The following HRG variants were observed in gnomAD, a reference collection of about 807,000 sequenced individuals.
The protein encoded by HRG is histidine-rich glycoprotein.
A neutral mutation model predicts 29.5 loss-of-function variants in HRG; 26 were observed. That is an observed-to-expected ratio of 0.88 (90% confidence interval 0.65 to 1.22). HRG has a LOEUF of 1.22. HRG is among the 50% of genes most tolerant of loss of function. The pLI is 0.00. For synonymous variants in HRG, 243 were observed against 240.4 expected (o/e 1.01, Z -0.10); for missense variants, 671 against 654.5 (o/e 1.03, Z -0.28).
intron 4 of HRG, among the ~76,000 whole-genome samples, chr3:186,672,181 G>A (rs1013000293): frequency 6.6e-6 from 1 of 152,190 alleles, no homozygotes; most frequent in East Asian, 1.9e-4. Context: ...ATAGTTAGAT[G>A]GTTCCCTGCT....
intron 6 of HRG, among the ~76,000 whole-genome samples, 179 bp downstream of exon 6, chr3:186,675,369 GAGAA>G (rs1226553072): frequency 2.0e-5 from 3 of 151,984 alleles, no homozygotes; most frequent in African/African-American, 7.3e-5. Flanking sequence ...CAGGGAGAGA[GAGAA>G]AGAGAGAGAC....
At chr3:186,671,873 C>T in intron 4 of HRG, 84 bp downstream of exon 4, 1 of 1,160,894 alleles carries the variant, frequency 8.6e-7, no homozygotes. Context: ...ACCCTCTCCA[C>T]CTGCCTCAAT....
chr3:186,666,260 G>A (rs1345110377), intron 1 of HRG, 46 bp downstream of exon 1: 1 of 1,592,888 alleles, frequency 6.3e-7, no homozygotes, highest in Non-Finnish European at 8.6e-7. Flanking sequence ...ATTACTCACG[G>A]GGGCAAATGT....
intron 3 of HRG, among the ~76,000 whole-genome samples, chr3:186,670,708 C>T (rs894234204): frequency 1.2e-4 from 19 of 152,088 alleles, no homozygotes; most frequent in African/African-American, 4.6e-4. Flanking sequence ...CCACCACATC[C>T]AACAAATTTT....
chr3:186,677,776 CCAGA>C lies in HRG; in HGVS notation c.1474_1477del (p.Asp492IlefsTer36). ...GCCGCACCACAAACATCCTCTAAAGCCAGACAATCAGCCCTTTCCTCAATCAGTC... is the reference window on the plus strand; with the variant it reads ...GCCGCACCACAAACATCCTCTAAAGCCAATCAGCCCTTTCCTCAATCAGTC... On this transcript the variant is annotated frameshift_variant, in exon 7 of 7. Coordinates refer to ENST00000232003, the MANE Select transcript of HRG (RefSeq NM_000412.5). LOFTEE classifies it low-confidence loss of function (END_TRUNC). 6.2e-7 allele frequency: 1 copy of C among 1,613,930 alleles called. No individual in the cohort carries two copies. Among genetic ancestry groups the C allele is most frequent in the Non-Finnish European group, 8.5e-7 (1 of 1,179,786 alleles).
At chr3:186,677,006 A>G in intron 6 of HRG, 41 bp from the exon 7 acceptor site, 1 of 1,612,798 alleles carries the variant, frequency 6.2e-7, no homozygotes, top group South Asian at 1.1e-5. Context: ...ATCTTCTTTT[A>G]TGTTACATGA....
chr3:186,677,571 T>C lies in HRG; in HGVS notation c.1266T>C (p.His422=). The change falls in exon 7 of 7, where the codon CAT becomes CAC. Residue 422 remains histidine, a synonymous_variant. Coordinates refer to ENST00000232003, the MANE Select transcript of HRG (RefSeq NM_000412.5). ...ATGGACCTTGTGACCCACCACCCCATAACCAAGGTCACTGTTGCCATGGCC... is the reference window on the plus strand; with the variant it reads ...ATGGACCTTGTGACCCACCACCCCACAACCAAGGTCACTGTTGCCATGGCC... ...QDYGPCDPPP[H]NQGHCCHGHG... is the part of the protein sequence containing the mutation. The C allele has an allele frequency of 1.2e-6, 2 of 1,613,952 alleles. No individual in the cohort carries two copies. The highest frequency in any genetic ancestry group is 1.7e-6 in the Non-Finnish European group (2 of 1,179,932).
intron 1 of HRG, among the ~76,000 whole-genome samples, chr3:186,667,933 A>G (rs73061473): frequency 0.015 from 2,244 of 152,252 alleles, 56 homozygotes; most frequent in African/African-American, 0.051. Flanking sequence ...AAGCTCCCCA[A>G]ATAACCTACT....
At chr3:186,671,480 C>A in intron 3 of HRG, 143 bp from the exon 4 acceptor site, 2 of 842,942 alleles carry the variant, frequency 2.4e-6, no homozygotes, top group Non-Finnish European at 4.1e-6. Context: ...TGCCAAATGG[C>A]TGATTGATCT....
intron 3 of HRG, 127 bp from the exon 4 acceptor site, chr3:186,671,496 C>G (rs1718789124): frequency 1.1e-6 from 1 of 928,008 alleles, no homozygotes; most frequent in East Asian, 2.4e-5. Context: ...GATCTTGAAG[C>G]AGTTACTCAG....
Position 186,677,817 on chromosome 3 carries a change from T to C in HRG, c.1512T>C (p.Cys504=). 1 of 1,614,172 alleles carries C rather than the reference T, an allele frequency of 6.2e-7. No individual in the cohort carries two copies. ...QPFPQSVSES[C]PGKFKSGFPQ... Reference sequence around the variant, plus strand: ...TTCCTCAATCAGTCTCTGAATCATGTCCAGGGAAGTTCAAGAGTGGGTTTC... The same window carrying C: ...TTCCTCAATCAGTCTCTGAATCATGCCCAGGGAAGTTCAAGAGTGGGTTTC... The change falls in exon 7 of 7, where the codon TGT becomes TGC. Residue 504 remains cysteine (C), a synonymous_variant. Coordinates refer to ENST00000232003, the MANE Select transcript of HRG (RefSeq NM_000412.5).
intron 1 of HRG, 102 bp from the exon 2 acceptor site, chr3:186,668,833 A>C: frequency 1.4e-5 from 10 of 720,456 alleles, no homozygotes; most frequent in Non-Finnish European, 2.5e-5. Context: ...AGTGAGAGGA[A>C]CAGGAATTCT....
chr3:186,675,157 C>T lies in HRG; in HGVS notation c.708C>T (p.Asn236=). ...VEALDLESPK[N]LVINCEVFDP... The stretch of plus-strand genomic sequence containing the variant: ...CCTTGGACTTGGAAAGCCCGAAAAA[C>T]CTTGTCATAAACTGTGAAGTCTTCG... The change falls in exon 6 of 7, where the codon AAC becomes AAT. Residue 236 remains asparagine, a synonymous_variant. Transcript: ENST00000232003. The T allele has an allele frequency of 1.2e-6, 2 of 1,613,796 alleles. No individual in the cohort carries two copies. Among genetic ancestry groups the T allele is most frequent in the African/African-American group, 2.7e-5 (2 of 75,032 alleles).
intron 1 of HRG, among the ~76,000 whole-genome samples, chr3:186,666,630 C>T (rs947952289): frequency 6.6e-6 from 1 of 151,958 alleles, no homozygotes; most frequent in Non-Finnish European, 1.5e-5. Flanking sequence ...AACTGGTAGA[C>T]AAGGCCAGGC....
intron 5 of HRG, chr3:186,673,125 T>C (rs927342149): frequency 2.3e-5 from 12 of 529,378 alleles, no homozygotes; most frequent in Non-Finnish European, 2.1e-5. Context: ...GTTTTTGAGA[T>C]GGAGTTTCGC....
At position 186,671,769 on chromosome 3, in the gene HRG, A is replaced by C; in HGVS notation, c.538A>C (p.Ile180Leu). 1 of 1,613,898 alleles carries C rather than the reference A, an allele frequency of 6.2e-7. No individual in the cohort carries two copies. Among genetic ancestry groups the C allele is most frequent in the Non-Finnish European group, 8.5e-7 (1 of 1,179,866 alleles). The change falls in exon 4 of 7, where the codon ATC (isoleucine) becomes CTC (leucine). Residue 180 changes from isoleucine to leucine, a missense_variant. Coordinates refer to ENST00000232003, the MANE Select transcript of HRG (RefSeq NM_000412.5). ...DDFASFRVDR[I>L]ERVARVRGGE... ...CTTTGCCTCTTTCAGAGTGGACCGA[A>C]TCGAGAGAGTTGCAAGAGTGGTGAG...
chr3:186,669,513 G>A (rs1342317077), intron 2 of HRG: 3 of 353,126 alleles, frequency 8.5e-6, no homozygotes, highest in African/African-American at 4.2e-5. Context: ...CAGCACCTAG[G>A]ATATACACTG....
At chr3:186,671,342 G>C (rs1718784497) in intron 3 of HRG, among the ~76,000 whole-genome samples, 1 of 149,402 alleles carries the variant, frequency 6.7e-6, no homozygotes, top group Non-Finnish European at 1.5e-5. Flanking sequence ...GAATGTCATA[G>C]TTGTCATATT....
In HRG at chr3:186,677,393, G is replaced by C. The variant is rs1560042648; in HGVS notation, c.1088G>C (p.Gly363Ala). The C allele has an allele frequency of 6.2e-7, 1 of 1,611,842 alleles. No homozygotes were observed. The highest frequency in any genetic ancestry group is 8.5e-7 in the Non-Finnish European group (1 of 1,179,090). The change falls in exon 7 of 7, where the codon GGA becomes GCA. Residue 363 changes from glycine (G) to alanine (A), a missense_variant. By Grantham distance (60) the Gly-to-Ala change is moderately conservative. Coordinates refer to ENST00000232003, the MANE Select transcript of HRG (RefSeq NM_000412.5). ...CATTCCCATGAACAGCATCCCCACG[G>C]ACACCATCCCCATGCACACCATCCT... Reference protein sequence around the residue: ...KHHSHEQHPHGHHPHAHHPHE... With the variant: ...KHHSHEQHPHAHHPHAHHPHE...
Sources: gnomAD v4.1 joint callset for allele counts (sites outside exome capture counted in the v4.1 genomes callset) on GRCh38, gnomAD v4.1.1 for gene constraint, MANE v1.5 for transcripts, NCBI Gene and HGNC (gene_info 2026-07-23, HGNC 2026-07-21) for gene names.